The following APOO variants were observed in gnomAD, a reference collection of about 807,000 sequenced individuals.
APOO encodes the protein apolipoprotein O, also known as MICOS complex subunit MIC26.
Under a neutral mutation model 23.1 loss-of-function variants are expected in APOO, and 11 were observed. The ratio of observed to expected loss-of-function variants is 0.48; its 90% CI spans 0.30 to 0.79. APOO has a LOEUF of 0.79. Among genes scored for constraint, APOO ranks in the 30% least tolerant of loss-of-function variants. The pLI, the probability that APOO is intolerant of heterozygous loss-of-function variation, is 0.07. For missense variants in APOO, 160 were observed against 142.7 expected (o/e 1.12, Z -0.62); for synonymous variants, 59 against 54.8 (o/e 1.08, Z -0.34).
chrX:23,884,159 A>G, intron 1 of APOO: 1 of 111,417 alleles, frequency 9.0e-6, no homozygotes, highest in East Asian at 2.8e-4. Flanking sequence ...TAGGTAATAA[A>G]TACCAAAAGA....
chrX:23,858,569 T>C, intron 6 of APOO, 73 bp downstream of exon 6: 1 of 1,009,973 alleles, frequency 9.9e-7, no homozygotes, highest in Non-Finnish European at 1.4e-6. Context: ...CAAAATAAAA[T>C]AAAATTAAGC....
At chrX:23,905,419 A>C (rs1451190673) in intron 1 of APOO, among the ~76,000 whole-genome samples, 1 of 109,778 alleles carries the variant, frequency 9.1e-6, no homozygotes, top group Non-Finnish European at 1.9e-5. Context: ...CAATAATAAT[A>C]ATAATAATAA....
At chrX:23,891,921 T>C (rs1926673486) in intron 1 of APOO, among the ~76,000 whole-genome samples, 1 of 108,500 alleles carries the variant, frequency 9.2e-6, no homozygotes, top group South Asian at 3.8e-4. Context: ...ACTTTATGTA[T>C]TTCTATATAT....
chrX:23,906,234 T>C (rs761064689), intron 1 of APOO, among the ~76,000 whole-genome samples: 1 of 112,792 alleles, frequency 8.9e-6, no homozygotes, highest in Non-Finnish European at 1.9e-5. Context: ...CCAACCCAGA[T>C]TTTGAGAAAC....
chrX:23,859,417 C>G (rs1236051630), intron 5 of APOO, among the ~76,000 whole-genome samples: 3 of 107,588 alleles, frequency 2.8e-5, no homozygotes, highest in Non-Finnish European at 3.8e-5. Flanking sequence ...TACTTTCTAT[C>G]TCTATGTGTT....
intron 5 of APOO, among the ~76,000 whole-genome samples, chrX:23,862,896 G>T (rs1179118912): frequency 1.7e-5 from 1 of 57,168 alleles, no homozygotes; most frequent in African/African-American, 6.5e-5. Flanking sequence ...GGGGAGGGAG[G>T]AGGGAAGGGG....
chrX:23,842,995 T>A (rs1253027423), intron 7 of APOO, among the ~76,000 whole-genome samples: 1 of 111,075 alleles, frequency 9.0e-6, no homozygotes, highest in Non-Finnish European at 1.9e-5. Context: ...GCAACAAGAG[T>A]GAAACTCCAT....
intron 3 of APOO, among the ~76,000 whole-genome samples, chrX:23,875,242 A>C (rs1255173242): frequency 1.9e-5 from 2 of 107,467 alleles, no homozygotes; most frequent in Non-Finnish European, 3.8e-5. Context: ...TCTCAAAAAA[A>C]AAAAAGGCTT....
intron 7 of APOO, among the ~76,000 whole-genome samples, chrX:23,849,158 G>A (rs1038450550): frequency 9.2e-5 from 10 of 109,048 alleles, no homozygotes; most frequent in Non-Finnish European, 1.7e-4. Context: ...GGCAGGTTTC[G>A]AACTCCTGAT....
At chrX:23,860,795 C>T (rs7054448) in intron 5 of APOO, among the ~76,000 whole-genome samples, 32,429 of 100,365 alleles carry the variant, frequency 0.32, 4,554 homozygotes, top group South Asian at 0.74. Context: ...GTGCTGGGAT[C>T]ACAGGCATGA....
intron 1 of APOO, among the ~76,000 whole-genome samples, chrX:23,903,128 G>A (rs1333716126): frequency 8.9e-6 from 1 of 111,846 alleles, no homozygotes; most frequent in Non-Finnish European, 1.9e-5. Flanking sequence ...CCAGCACTTT[G>A]GGAGGCTGAG....
intron 7 of APOO, among the ~76,000 whole-genome samples, chrX:23,842,515 T>TA (rs939778386): frequency 2.9e-4 from 32 of 110,843 alleles, no homozygotes; most frequent in Admixed American, 6.8e-4. Flanking sequence ...AATTAAAACT[T>TA]AAAAAAAAAT....
chrX:23,838,714 G>A (rs1293493103), intron 8 of APOO, among the ~76,000 whole-genome samples: 3 of 110,815 alleles, frequency 2.7e-5, no homozygotes, highest in African/African-American at 6.6e-5. Context: ...CACCACACCC[G>A]GCCAAGACAA....
chrX:23,838,878 C>T (rs1432531556), intron 8 of APOO, among the ~76,000 whole-genome samples: 1 of 112,296 alleles, frequency 8.9e-6, no homozygotes, highest in African/African-American at 3.2e-5. Flanking sequence ...TGCAGAGTAT[C>T]TTTGAAAATT....
chrX:23,876,428 AAAAAAAAAAAG>A (rs2147013514), intron 3 of APOO, among the ~76,000 whole-genome samples: 1 of 107,225 alleles, frequency 9.3e-6, no homozygotes, highest in African/African-American at 3.4e-5. Flanking sequence ...ACCAAAAAAA[AAAAAAAAAAAG>A]AAAAAACTTC....
rs918939102 is a variant in APOO, at chrX:23,907,620, C to T, written c.9+74G>A. The T allele has an allele frequency of 2.4e-5, 26 of 1,095,781 alleles. No individual in the cohort carries two copies. The African/African-American group carries it at 3.7e-4, about 16-fold the overall frequency. 90.3% of individuals were successfully genotyped at this position (1,095,781 alleles called of 1,213,427 possible). On this transcript the variant is annotated intron_variant, in intron 1 of 8. Coordinates refer to ENST00000379226, the MANE Select transcript of APOO (RefSeq NM_024122.5). ...AGCCAGGCCTGGCTGCAGAGAGGCCCCAAGAGAGCGCGGGGAGGGCTCGGG... is the reference window on the plus strand; with the variant it reads ...AGCCAGGCCTGGCTGCAGAGAGGCCTCAAGAGAGCGCGGGGAGGGCTCGGG...
intron 7 of APOO, among the ~76,000 whole-genome samples, chrX:23,849,718 C>G (rs1924443316): frequency 9.3e-6 from 1 of 107,193 alleles, no homozygotes; most frequent in African/African-American, 3.4e-5. Flanking sequence ...ATGGTGAAAC[C>G]CCATCTCTAC....
Position 23,833,451 on chromosome X carries a change from A to C in APOO, c.*191T>G. The C allele has an allele frequency of 9.0e-6, 1 of 111,416 alleles. No individual in the cohort carries two copies. The highest frequency in any genetic ancestry group is 1.9e-5 in the Non-Finnish European group (1 of 53,044). The allele number at this position is 111,416 out of a possible 1,213,427, so 9.2% of individuals were successfully genotyped here. ...CATTATCTCTAGGTGAAGGGATTCC[A>C]GGTTAGTTTGCTTGTAGGATGATTT... On this transcript the variant is annotated 3_prime_UTR_variant, in exon 9 of 9. Coordinates refer to ENST00000379226, the MANE Select transcript of APOO (RefSeq NM_024122.5).
chrX:23,870,950 G>A (rs375576429), intron 4 of APOO, among the ~76,000 whole-genome samples: 9 of 109,919 alleles, frequency 8.2e-5, no homozygotes, highest in African/African-American at 3.0e-4. Context: ...TTAGCCAGGC[G>A]TGGTGGCGTG....
Sources: gnomAD v4.1 joint callset for allele counts (sites outside exome capture counted in the v4.1 genomes callset) on GRCh38, gnomAD v4.1.1 for gene constraint, MANE v1.5 for transcripts, NCBI Gene and HGNC (gene_info 2026-07-23, HGNC 2026-07-21) for gene names.